HS3ST4: variants seen among roughly 807,000 people sequenced by gnomAD.
HS3ST4 encodes the protein heparan sulfate-glucosamine 3-sulfotransferase 4.
Under a neutral mutation model 29.2 loss-of-function variants are expected in HS3ST4, and 17 were observed. The ratio of observed to expected loss-of-function variants is 0.58; its 90% CI spans 0.40 to 0.87. The LOEUF (loss-of-function observed/expected upper bound fraction) is 0.87, where lower values mean the gene tolerates loss of function less well. HS3ST4 is among the 40% of genes least tolerant of loss of function. The pLI, the probability that HS3ST4 is intolerant of heterozygous loss-of-function variation, is 0.00. For missense variants in HS3ST4, 627 were observed against 634.5 expected (o/e 0.99, Z 0.13); for synonymous variants, 314 against 285.7 (o/e 1.10, Z -1.00).
At chr16:25,835,890 G>A (rs1031529124) in intron 1 of HS3ST4, among the ~76,000 whole-genome samples, 2 of 152,136 alleles carry the variant, frequency 1.3e-5, no homozygotes, top group African/African-American at 4.8e-5. Flanking sequence ...ATTGACGCTG[G>A]CTCACTGAAG....
At chr16:26,102,282 C>G (rs1351300846) in intron 1 of HS3ST4, among the ~76,000 whole-genome samples, 3 of 151,692 alleles carry the variant, frequency 2.0e-5, no homozygotes, top group Non-Finnish European at 2.9e-5. Flanking sequence ...ATCAAGACAG[C>G]CTCCAAGGTA....
At chr16:25,704,310 C>A (rs185440950) in intron 1 of HS3ST4, among the ~76,000 whole-genome samples, 672 of 152,260 alleles carry the variant, frequency 4.4e-3, no homozygotes, top group Middle Eastern at 0.014. Flanking sequence ...TAGTCTCCCC[C>A]AAAGGTTCCT....
chr16:25,940,744 T>C (rs1968564460), intron 1 of HS3ST4, among the ~76,000 whole-genome samples: 1 of 152,204 alleles, frequency 6.6e-6, no homozygotes, highest in Non-Finnish European at 1.5e-5. Flanking sequence ...GTTGACTGTA[T>C]GGATGAAAGT....
chr16:25,721,261 G>T (rs1177685415), intron 1 of HS3ST4, among the ~76,000 whole-genome samples: 8 of 152,118 alleles, frequency 5.3e-5, no homozygotes, highest in Non-Finnish European at 7.4e-5. Flanking sequence ...TGTGGTGTGT[G>T]TTATTACAGG....
At chr16:25,934,775 A>G (rs1415560804) in intron 1 of HS3ST4, among the ~76,000 whole-genome samples, 1 of 151,938 alleles carries the variant, frequency 6.6e-6, no homozygotes, top group East Asian at 1.9e-4. Context: ...GGTATTTGGG[A>G]TTTTTTAATG....
intron 1 of HS3ST4, among the ~76,000 whole-genome samples, chr16:26,015,062 G>A (rs970395841): frequency 6.6e-6 from 1 of 152,194 alleles, no homozygotes; most frequent in Non-Finnish European, 1.5e-5. Context: ...GGATGACCTT[G>A]TTAGAGTCGT....
At chr16:25,825,117 C>T (rs774507452) in intron 1 of HS3ST4, among the ~76,000 whole-genome samples, 3 of 152,120 alleles carry the variant, frequency 2.0e-5, no homozygotes, top group Non-Finnish European at 2.9e-5. Context: ...AAGAGACAAA[C>T]GGATTGAATC....
chr16:25,752,193 G>A (rs10852292), intron 1 of HS3ST4, among the ~76,000 whole-genome samples: 23,812 of 151,992 alleles, frequency 0.16, 2,140 homozygotes, highest in African/African-American at 0.25. Context: ...CACTAATTAC[G>A]CCAACTAATT....
chr16:25,955,414 T>C lies in HS3ST4; in HGVS notation c.735-180198T>C, dbSNP rs185874779. On this transcript the variant is annotated intron_variant, in intron 1 of 1. Coordinates refer to ENST00000331351, the MANE Select transcript of HS3ST4 (RefSeq NM_006040.3). ...AATTGGCAAGTACCTTTTTTCTTAG[T>C]GCAAGTTTTCATTCTTGACAGTTGG... Among the ~76,000 whole-genome samples, 22 of 152,318 alleles carry C rather than the reference T, an allele frequency of 1.4e-4. No individual in the cohort carries two copies. The East Asian group carries it at 4.2e-3, about 29-fold the overall frequency.
chr16:25,893,651 A>G (rs1401496240), intron 1 of HS3ST4, among the ~76,000 whole-genome samples: 3 of 152,206 alleles, frequency 2.0e-5, no homozygotes. Flanking sequence ...TGAATGACCC[A>G]GTTGGGGTCA....
chr16:25,892,283 G>T (rs1014285711), intron 1 of HS3ST4, among the ~76,000 whole-genome samples: 2 of 152,202 alleles, frequency 1.3e-5, no homozygotes, highest in Non-Finnish European at 2.9e-5. Flanking sequence ...GCCCCTGCAG[G>T]AGTGAGGAGG....
chr16:25,693,264 C>T, intron 1 of HS3ST4, 113 bp downstream of exon 1: 1 of 1,185,320 alleles, frequency 8.4e-7, no homozygotes, highest in Non-Finnish European at 1.1e-6. Flanking sequence ...AGGCCCAAGC[C>T]CCCGCGAGGG....
At chr16:25,869,670 G>A (rs1037825218) in intron 1 of HS3ST4, among the ~76,000 whole-genome samples, 1 of 152,122 alleles carries the variant, frequency 6.6e-6, no homozygotes, top group African/African-American at 2.4e-5. Context: ...GTCATCATCT[G>A]TTCCAAGCCT....
intron 1 of HS3ST4, among the ~76,000 whole-genome samples, chr16:25,890,284 C>T: frequency 6.6e-6 from 1 of 152,174 alleles, no homozygotes; most frequent in East Asian, 1.9e-4. Flanking sequence ...TCCTCTTAGC[C>T]ACCACTATGT....
chr16:25,806,963 C>T, intron 1 of HS3ST4, among the ~76,000 whole-genome samples: 1 of 152,144 alleles, frequency 6.6e-6, no homozygotes, highest in South Asian at 2.1e-4. Flanking sequence ...ACAGGGACCC[C>T]TTTTGTTGCC....
In HS3ST4 at chr16:25,832,626, G is replaced by T. The variant is rs990624564; in HGVS notation, c.734+139475G>T. On this transcript the variant is annotated intron_variant, in intron 1 of 1. Transcript: ENST00000331351. ...TGAGGAAGAGGTTTAAAATGTATTGGCATGTATTTTCTACAAACACTTATA... is the reference window on the plus strand; with the variant it reads ...TGAGGAAGAGGTTTAAAATGTATTGTCATGTATTTTCTACAAACACTTATA... Among the ~76,000 whole-genome samples, 33 of 152,106 alleles carry T rather than the reference G, an allele frequency of 2.2e-4. 1 individual carries two copies. The highest frequency in any genetic ancestry group is 1.5e-5 in the Non-Finnish European group (1 of 68,030).
intron 1 of HS3ST4, among the ~76,000 whole-genome samples, chr16:25,919,918 G>T (rs1265923469): frequency 1.3e-5 from 2 of 150,966 alleles, no homozygotes; most frequent in Non-Finnish European, 3.0e-5. Context: ...TTTTTAAGAA[G>T]CTTGGATTTA....
chr16:25,836,831 T>A (rs2141642409), intron 1 of HS3ST4, among the ~76,000 whole-genome samples: 2 of 152,298 alleles, frequency 1.3e-5, no homozygotes, highest in Middle Eastern at 6.8e-3. Flanking sequence ...GTAGCAAGAA[T>A]TCATATTAAA....
chr16:25,890,032 C>T (rs115676358), intron 1 of HS3ST4, among the ~76,000 whole-genome samples: 5,497 of 152,152 alleles, frequency 0.036, 133 homozygotes, highest in African/African-American at 0.059. Context: ...TATAAATTAC[C>T]CAGTCTTGGG....
Sources: allele counts gnomAD v4.1 joint callset (sites outside exome capture counted in the v4.1 genomes callset), GRCh38; gene constraint gnomAD v4.1.1; transcripts MANE v1.5; gene names NCBI Gene and HGNC (gene_info 2026-07-23, HGNC 2026-07-21).